NSG2: variants seen among roughly 807,000 people sequenced by gnomAD.
NSG2 encodes neuronal vesicle trafficking associated 2.
NSG2 carries 4 observed loss-of-function variants against 16.9 expected under a neutral mutation model. The observed-to-expected ratio is 0.24, with a 90% confidence interval of 0.12 to 0.54. NSG2 has a LOEUF of 0.54. Ranked by LOEUF, NSG2 falls within the 20% of genes least tolerant of loss-of-function variation. The pLI is 0.95. For synonymous variants in NSG2, 98 were observed against 88.7 expected (o/e 1.11, Z -0.59); for missense variants, 179 against 221.1 (o/e 0.81, Z 1.21).
At chr5:174,075,942 G>T (rs1760333996) in intron 3 of NSG2, among the ~76,000 whole-genome samples, 2 of 152,234 alleles carry the variant, frequency 1.3e-5, no homozygotes, top group African/African-American at 4.8e-5. Context: ...AAGTAACTGG[G>T]AGGGAATTTG....
chr5:174,081,887 CAAAAA>C (rs60742273), intron 3 of NSG2, among the ~76,000 whole-genome samples: 2 of 70,198 alleles, frequency 2.8e-5, no homozygotes, highest in African/African-American at 4.5e-5. Context: ...GACTCCGACT[CAAAAA>C]AAAAAAAAAA....
chr5:174,081,578 T>G (rs1760466296), intron 3 of NSG2: 1 of 152,212 alleles, frequency 6.6e-6, no homozygotes, highest in South Asian at 2.1e-4. Flanking sequence ...ATTTACTTTT[T>G]GTGCTGTCTT....
intron 3 of NSG2, among the ~76,000 whole-genome samples, chr5:174,102,502 G>A (rs1760910968): frequency 6.6e-6 from 1 of 152,116 alleles, no homozygotes; most frequent in African/African-American, 2.4e-5. Flanking sequence ...TGTAATATTA[G>A]ATGCCCCGGT....
In NSG2 at chr5:174,108,051, GAAGAGCTGATTTTGGCATTACT is replaced by G. The variant is rs1761013718; in HGVS notation, c.*550_*571del. On this transcript the variant is annotated 3_prime_UTR_variant, in exon 5 of 5. Transcript: ENST00000303177. ...AAATGAGGAATGGCCGAGCTGGAGA[GAAGAGCTGATTTTGGCATTACT>G]AAGCCCAGAACGCACATAACCCATA... 1 of 302,288 alleles carries G rather than the reference GAAGAGCTGATTTTGGCATTACT, an allele frequency of 3.3e-6. No individual in the cohort carries two copies. The highest frequency in any genetic ancestry group is 2.3e-5 in the African/African-American group (1 of 44,260). 18.7% of individuals were successfully genotyped at this position (302,288 alleles called of 1,614,324 possible).
At chr5:174,101,575 T>C (rs1310359221) in intron 3 of NSG2, among the ~76,000 whole-genome samples, 1 of 152,246 alleles carries the variant, frequency 6.6e-6, no homozygotes, top group Non-Finnish European at 1.5e-5. Context: ...GTCTGGGTTC[T>C]TTGGCTCAGC....
Position 174,089,682 on chromosome 5 carries a change from C to T in NSG2, c.214-14546C>T, listed in dbSNP as rs546202001. On this transcript the variant is annotated intron_variant, in intron 3 of 4. Coordinates refer to ENST00000303177, the MANE Select transcript of NSG2 (RefSeq NM_015980.5). ...GATTTGTTGCCCAGGCTGGGGTGCA[C>T]GACTCACTGTAGCCTCAAACTCCCT... 1.2e-4 allele frequency among the ~76,000 whole-genome samples: 19 copies of T among 152,142 alleles called. No individual in the cohort carries two copies. The East Asian group carries it at 2.5e-3, about 20-fold the overall frequency.
At chr5:174,064,492 T>A (rs1760108857) in intron 3 of NSG2, 177 bp downstream of exon 3, 1 of 460,690 alleles carries the variant, frequency 2.2e-6, no homozygotes, top group Non-Finnish European at 3.9e-6. Context: ...TAACAAGAAC[T>A]CTGCCTCTGA....
At chr5:174,098,851 G>A (rs1199095141) in intron 3 of NSG2, among the ~76,000 whole-genome samples, 1 of 152,172 alleles carries the variant, frequency 6.6e-6, no homozygotes, top group African/African-American at 2.4e-5. Context: ...GACTGTGCCT[G>A]TAATGAAACC....
At chr5:174,048,969 T>C (rs891107877) in intron 2 of NSG2, among the ~76,000 whole-genome samples, 1 of 152,046 alleles carries the variant, frequency 6.6e-6, no homozygotes. Context: ...TTTTTTGATA[T>C]GGGGAGGATC....
At chr5:174,077,380 A>G (rs1240116193) in intron 3 of NSG2, among the ~76,000 whole-genome samples, 3 of 151,956 alleles carry the variant, frequency 2.0e-5, no homozygotes, top group Non-Finnish European at 4.4e-5. Context: ...GCTTCTCTTG[A>G]TCATTAGGGT....
At chr5:174,071,918 C>T (rs545735927) in intron 3 of NSG2, among the ~76,000 whole-genome samples, 2 of 152,120 alleles carry the variant, frequency 1.3e-5, no homozygotes, top group African/African-American at 2.4e-5. Flanking sequence ...GCCAGTGGCT[C>T]CTTCTCCTTT....
chr5:174,096,357 A>C (rs1429090894), intron 3 of NSG2, among the ~76,000 whole-genome samples: 2 of 152,120 alleles, frequency 1.3e-5, no homozygotes, highest in African/African-American at 2.4e-5. Flanking sequence ...AGCTGAGTCT[A>C]GGGTGAGCAG....
chr5:174,055,918 G>T (rs551336031), intron 2 of NSG2: 22 of 152,328 alleles, frequency 1.4e-4, no homozygotes, highest in African/African-American at 5.3e-4. Context: ...ATTTTACCCT[G>T]TGTTCACGGC....
At chr5:174,097,519 CTGTA>C (rs1487921290) in intron 3 of NSG2, among the ~76,000 whole-genome samples, 2 of 149,288 alleles carry the variant, frequency 1.3e-5, no homozygotes, top group Non-Finnish European at 1.5e-5. Context: ...GTGTGTGTCT[CTGTA>C]TGTGTGTAAC....
At chr5:174,057,624 C>T (rs1169913210) in intron 2 of NSG2, among the ~76,000 whole-genome samples, 1 of 152,178 alleles carries the variant, frequency 6.6e-6, no homozygotes, top group Non-Finnish European at 1.5e-5. Context: ...GAAATGCATA[C>T]CTGCAAAGCC....
chr5:174,079,383 G>C (rs1308817132), intron 3 of NSG2, among the ~76,000 whole-genome samples: 1 of 151,994 alleles, frequency 6.6e-6, no homozygotes, highest in Admixed American at 6.6e-5. Flanking sequence ...TCAGCTTCCT[G>C]AGTAGCTGGG....
intron 3 of NSG2, among the ~76,000 whole-genome samples, chr5:174,075,879 C>T (rs910938221): frequency 6.6e-6 from 1 of 152,186 alleles, no homozygotes; most frequent in African/African-American, 2.4e-5. Context: ...ATAGCAACTG[C>T]CATGTAGGCC....
chr5:174,068,880 G>T (rs375929320), intron 3 of NSG2, among the ~76,000 whole-genome samples: 1 of 123,414 alleles, frequency 8.1e-6, no homozygotes, highest in Non-Finnish European at 1.7e-5. Flanking sequence ...TGCTGGTGTC[G>T]TGGGAATCCT....
chr5:174,082,662 A>G (rs937269452), intron 3 of NSG2: 16 of 152,200 alleles, frequency 1.1e-4, no homozygotes, highest in African/African-American at 3.6e-4. Context: ...ACTTTGTCAT[A>G]CTTAGATAGT....
Sources: allele counts gnomAD v4.1 joint callset (sites outside exome capture counted in the v4.1 genomes callset), GRCh38; gene constraint gnomAD v4.1.1; transcripts MANE v1.5; gene names NCBI Gene and HGNC (gene_info 2026-07-23, HGNC 2026-07-21).